SAMD8: variants seen among roughly 807,000 people sequenced by gnomAD.
SAMD8 encodes sphingomyelin synthase-related protein 1.
SAMD8 carries 20 observed loss-of-function variants against 42.0 expected under a neutral mutation model. That is an observed-to-expected ratio of 0.48 (90% CI 0.34 to 0.69). SAMD8 has a LOEUF of 0.69. Among genes scored for constraint, SAMD8 ranks in the 30% least tolerant of loss-of-function variants. The probability of loss-of-function intolerance (pLI) is 0.01; values close to 1 mark genes in which losing one functional copy is unlikely to be tolerated. For missense variants in SAMD8, 328 were observed against 511.6 expected, an observed-to-expected ratio of 0.64 and a Z score of 3.46; for synonymous variants, 162 against 173.0, an observed-to-expected ratio of 0.94 and a Z score of 0.50.
intron 1 of SAMD8, among the ~76,000 whole-genome samples, chr10:75,126,961 G>A (rs1334338307): frequency 6.6e-6 from 1 of 152,098 alleles, no homozygotes; most frequent in Non-Finnish European, 1.5e-5. Flanking sequence ...GCCGAGGCGG[G>A]TAGATCACCT....
chr10:75,115,142 TAA>T (rs1196182951), intron 1 of SAMD8, among the ~76,000 whole-genome samples: 1 of 152,220 alleles, frequency 6.6e-6, no homozygotes, highest in African/African-American at 2.4e-5. Context: ...TGTTTACAAA[TAA>T]AGAGTTACTT....
intron 1 of SAMD8, among the ~76,000 whole-genome samples, chr10:75,136,130 C>A (rs1169531572): frequency 6.7e-6 from 1 of 149,956 alleles, no homozygotes; most frequent in East Asian, 2.0e-4. Flanking sequence ...TTTTCTTTTT[C>A]TTTAATTTGT....
intron 1 of SAMD8, chr10:75,103,976 C>G: frequency 7.5e-7 from 1 of 1,340,788 alleles, no homozygotes; most frequent in Non-Finnish European, 9.9e-7. Flanking sequence ...AGGGCCGACC[C>G]CACGCTGGGC....
intron 1 of SAMD8, chr10:75,105,572 T>G (rs1848441069): frequency 7.8e-7 from 1 of 1,284,546 alleles, no homozygotes; most frequent in Admixed American, 2.1e-5. Context: ...CAACCAATCC[T>G]GGAAGAATCC....
chr10:75,110,972 C>T (rs1256191495), upstream of SAMD8, among the ~76,000 whole-genome samples: 1 of 152,034 alleles, frequency 6.6e-6, no homozygotes, highest in Non-Finnish European at 1.5e-5. Flanking sequence ...TGCACCACCA[C>T]GCCCGGCTAA....
At chr10:75,116,700 A>T (rs143600310) in intron 1 of SAMD8, among the ~76,000 whole-genome samples, 15 of 152,346 alleles carry the variant, frequency 9.8e-5, no homozygotes, top group African/African-American at 3.6e-4. Context: ...CCAAAACCAT[A>T]CATTAAAATT....
chr10:75,108,674 A>G (rs1392749549), upstream of SAMD8, among the ~76,000 whole-genome samples: 1 of 152,232 alleles, frequency 6.6e-6, no homozygotes, highest in Non-Finnish European at 1.5e-5. Flanking sequence ...GGCTGGGCCC[A>G]GAAACAGGGG....
At chr10:75,159,731 C>T (rs1840513038) in intron 2 of SAMD8, among the ~76,000 whole-genome samples, 1 of 152,208 alleles carries the variant, frequency 6.6e-6, no homozygotes. Flanking sequence ...CCAAATTACC[C>T]ATAAGCCTGA....
chr10:75,119,975 A>G (rs1015799259), intron 1 of SAMD8, among the ~76,000 whole-genome samples: 2 of 152,146 alleles, frequency 1.3e-5, no homozygotes, highest in Admixed American at 6.5e-5. Context: ...AGCCGAGGCA[A>G]GGGAATCGGT....
At chr10:75,164,184 C>G (rs1335740785) in intron 2 of SAMD8, among the ~76,000 whole-genome samples, 1 of 152,182 alleles carries the variant, frequency 6.6e-6, no homozygotes, top group East Asian at 1.9e-4. Flanking sequence ...CACCACTGTA[C>G]TGCAACCTGG....
In SAMD8 at chr10:75,181,607, A is replaced by G. The variant is rs1438127760; in HGVS notation, c.*4915A>G. The G allele has an allele frequency of 6.6e-6, 1 of 152,226 alleles. No homozygotes were observed. Among genetic ancestry groups the G allele is most frequent in the Admixed American group, 6.5e-5 (1 of 15,276 alleles). 9.4% of individuals were successfully genotyped at this position (152,226 alleles called of 1,614,324 possible). A position where few individuals can be genotyped will look rare whatever the true frequency, so the allele number is the denominator to read the frequency against. On this transcript the variant is annotated 3_prime_UTR_variant, in exon 6 of 6. Coordinates refer to ENST00000542569, the MANE Select transcript of SAMD8 (RefSeq NM_001174156.2). Reference sequence around the variant, plus strand: ...TTTTATTCAGTGTATTCCATGTTTCAGCATAAGGAAAGTTTGTGCCTGATA... The same window carrying G: ...TTTTATTCAGTGTATTCCATGTTTCGGCATAAGGAAAGTTTGTGCCTGATA...
intron 1 of SAMD8, among the ~76,000 whole-genome samples, chr10:75,131,853 C>T (rs1849280159): frequency 6.6e-6 from 1 of 152,148 alleles, no homozygotes; most frequent in Admixed American, 6.5e-5. Flanking sequence ...CTCTAAACAT[C>T]TTGGCATCTC....
At chr10:75,174,290 C>T (rs979220360) in intron 4 of SAMD8, among the ~76,000 whole-genome samples, 5 of 152,124 alleles carry the variant, frequency 3.3e-5, no homozygotes, top group South Asian at 2.1e-4. Context: ...CCACCAAGCC[C>T]GGCTAATTTT....
chr10:75,116,975 A>G (rs7908748), intron 1 of SAMD8, among the ~76,000 whole-genome samples: 2,048 of 151,942 alleles, frequency 0.013, 49 homozygotes, highest in African/African-American at 0.047. Context: ...ATGCTCGGCT[A>G]ATTTTTTGTG....
chr10:75,168,454 C>A, intron 3 of SAMD8, 87 bp from the exon 4 acceptor site: 2 of 1,553,416 alleles, frequency 1.3e-6, no homozygotes, highest in South Asian at 2.4e-5. Flanking sequence ...TTTCTGTTTG[C>A]TCTTCCTTGA....
chr10:75,128,073 ATTTTTTT>A (rs11353511), intron 1 of SAMD8, among the ~76,000 whole-genome samples: 2 of 119,260 alleles, frequency 1.7e-5, no homozygotes, highest in Non-Finnish European at 3.5e-5. Flanking sequence ...TTCTTCTTTA[ATTTTTTT>A]TTTTTTTTTT....
chr10:75,170,161 C>T (rs1840815286), intron 4 of SAMD8, among the ~76,000 whole-genome samples: 1 of 152,102 alleles, frequency 6.6e-6, no homozygotes, highest in Non-Finnish European at 1.5e-5. Context: ...AATCTGTATA[C>T]AAATTTGCAA....
chr10:75,178,061 A>G lies in SAMD8; in HGVS notation c.*1369A>G, dbSNP rs532792186. The G allele has an allele frequency of 6.6e-6, 1 of 152,334 alleles. No homozygotes were observed. Among genetic ancestry groups the G allele is most frequent in the Non-Finnish European group, 1.5e-5 (1 of 68,016 alleles). 9.4% of individuals were successfully genotyped at this position (152,334 alleles called of 1,614,324 possible). On this transcript the variant is annotated 3_prime_UTR_variant, in exon 6 of 6. Transcript: ENST00000542569. The stretch of plus-strand genomic sequence containing the variant: ...AGGTGCTGGCATTCTGAGGCCTGCA[A>G]TTAGGCCACATAGCAGAAGCTTGCT...
chr10:75,170,551 C>A (rs1323603060), intron 4 of SAMD8, among the ~76,000 whole-genome samples: 3 of 151,584 alleles, frequency 2.0e-5, no homozygotes, highest in African/African-American at 7.3e-5. Context: ...GTTTTGAGGT[C>A]TTTTTTTCTT....
Sources: gnomAD v4.1 joint callset for allele counts (sites outside exome capture counted in the v4.1 genomes callset) on GRCh38, gnomAD v4.1.1 for gene constraint, MANE v1.5 for transcripts, NCBI Gene and HGNC (gene_info 2026-07-23, HGNC 2026-07-21) for gene names.